Variants in WNT7A observed in about 807,000 individuals in gnomAD.
WNT7A encodes Wnt family member 7A.
A neutral mutation model predicts 28.2 loss-of-function variants in WNT7A; 16 were observed. The observed-to-expected ratio is 0.57, with a 90% CI of 0.38 to 0.86. The LOEUF is 0.86. WNT7A is among the 40% of genes least tolerant of loss of function. The pLI is 0.00. For missense variants in WNT7A, 411 were observed against 489.7 expected (o/e 0.84, Z 1.52); for synonymous variants, 190 against 195.9 (o/e 0.97, Z 0.25).
At chr3:13,847,810 C>T (rs75191775) in intron 3 of WNT7A, among the ~76,000 whole-genome samples, 2 of 124,726 alleles carry the variant, frequency 1.6e-5, no homozygotes, top group East Asian at 2.4e-4. Flanking sequence ...TGGGGTGGGG[C>T]GGGGGGACAT....
chr3:13,831,220 G>A lies in WNT7A; in HGVS notation c.571-11797C>T, dbSNP rs564807332. 3.9e-5 allele frequency among the ~76,000 whole-genome samples: 6 copies of A among 152,264 alleles called. No homozygotes were observed. In the South Asian group the frequency reaches 1.2e-3, roughly 32 times the overall value. ...CTCTCAGCAGACTGAGCGGCACAAG[G>A]GCAGGATCCATGCCCACCTCTAATA... On this transcript the variant is annotated intron_variant, in intron 3 of 3. Coordinates refer to ENST00000285018, the MANE Select transcript of WNT7A (RefSeq NM_004625.4).
chr3:13,854,205 G>A (rs1045465681), intron 3 of WNT7A, among the ~76,000 whole-genome samples: 2 of 152,010 alleles, frequency 1.3e-5, no homozygotes, highest in African/African-American at 2.4e-5. Context: ...AAAAAAGGAG[G>A]GAGAGAGGCA....
rs569101799 is a variant in WNT7A at position 13,855,190 on chromosome 3, C to T, written c.299-387G>A. ...TAAAGCTCACAGCATCGTAAAGCAGCGTTTCCCCAACACCCACAGAGGACA... is the reference window on the plus strand; with the variant it reads ...TAAAGCTCACAGCATCGTAAAGCAGTGTTTCCCCAACACCCACAGAGGACA... On this transcript the variant is annotated intron_variant, in intron 2 of 3. Coordinates refer to ENST00000285018, the MANE Select transcript of WNT7A (RefSeq NM_004625.4). Among the ~76,000 whole-genome samples, 24 of 152,340 alleles carry T rather than the reference C, an allele frequency of 1.6e-4. No individual in the cohort carries two copies. The South Asian group carries it at 4.3e-3, about 28-fold the overall frequency.
At chr3:13,826,375 G>A (rs1467586417) in intron 3 of WNT7A, among the ~76,000 whole-genome samples, 1 of 152,170 alleles carries the variant, frequency 6.6e-6, no homozygotes, top group Non-Finnish European at 1.5e-5. Flanking sequence ...GCATCTCAAG[G>A]AAGCCTCCCC....
At chr3:13,875,224 G>T in intron 1 of WNT7A, 51 bp from the exon 2 acceptor site, 1 of 1,599,848 alleles carries the variant, frequency 6.3e-7, no homozygotes. Flanking sequence ...AAGGGGGCAT[G>T]GCCTGGGAAC....
At chr3:13,847,204 C>A (rs1694551174) in intron 3 of WNT7A, among the ~76,000 whole-genome samples, 1 of 152,210 alleles carries the variant, frequency 6.6e-6, no homozygotes, top group Non-Finnish European at 1.5e-5. Context: ...TCCTTGGTAG[C>A]TTCCTCTCTG....
chr3:13,851,117 C>T (rs373290738), intron 3 of WNT7A, among the ~76,000 whole-genome samples: 1 of 152,198 alleles, frequency 6.6e-6, no homozygotes, highest in Non-Finnish European at 1.5e-5. Context: ...CCTCCCCAGC[C>T]GTGCGCCCCG....
At chr3:13,867,920 G>A (rs959571929) in intron 2 of WNT7A, among the ~76,000 whole-genome samples, 1 of 152,236 alleles carries the variant, frequency 6.6e-6, no homozygotes, top group Non-Finnish European at 1.5e-5. Context: ...TCACTGGGCA[G>A]ACATGCAGCT....
intron 1 of WNT7A, among the ~76,000 whole-genome samples, chr3:13,876,755 G>T (rs79931850): frequency 0.062 from 9,494 of 151,990 alleles, 533 homozygotes; most frequent in South Asian, 0.2. Flanking sequence ...CCCTGGAAGC[G>T]CTCTCACCCC....
intron 2 of WNT7A, among the ~76,000 whole-genome samples, chr3:13,863,358 C>G (rs1694862512): frequency 6.6e-6 from 1 of 152,098 alleles, no homozygotes; most frequent in South Asian, 2.1e-4. Context: ...TGTGAAGCCT[C>G]AACAGTTGAA....
At chr3:13,850,610 C>T (rs1328847435) in intron 3 of WNT7A, among the ~76,000 whole-genome samples, 2 of 152,056 alleles carry the variant, frequency 1.3e-5, no homozygotes, top group Non-Finnish European at 2.9e-5. Flanking sequence ...CCCAGCTGGG[C>T]CCCCATCCCC....
chr3:13,825,591 G>A (rs780733656), intron 3 of WNT7A, among the ~76,000 whole-genome samples: 5 of 152,186 alleles, frequency 3.3e-5, no homozygotes, highest in Non-Finnish European at 7.3e-5. Context: ...ATTTAGTAGC[G>A]GGTCTTCCAG....
At chr3:13,840,410 G>A (rs569305731) in intron 3 of WNT7A, among the ~76,000 whole-genome samples, 1 of 152,346 alleles carries the variant, frequency 6.6e-6, no homozygotes, top group East Asian at 1.9e-4. Context: ...GCCTAAAACA[G>A]TACCAGACGC....
At chr3:13,822,627 T>G (rs576081786) in intron 3 of WNT7A, among the ~76,000 whole-genome samples, 2 of 152,312 alleles carry the variant, frequency 1.3e-5, no homozygotes, top group South Asian at 4.1e-4. Flanking sequence ...TAATGTAAAA[T>G]TCATTGTGGT....
intron 2 of WNT7A, chr3:13,863,794 C>T (rs1173348815): frequency 6.6e-6 from 1 of 152,210 alleles, no homozygotes; most frequent in Non-Finnish European, 1.5e-5. Context: ...TTCACCAGCT[C>T]ACCAGACATG....
chr3:13,819,180 C>T lies in WNT7A; in HGVS notation c.814G>A (p.Glu272Lys), dbSNP rs759534276. The T allele has an allele frequency of 6.2e-7, 1 of 1,614,192 alleles. No homozygotes were observed. The highest frequency in any genetic ancestry group is 1.1e-5 in the South Asian group (1 of 91,084). The change falls in exon 4 of 4, where the codon GAG becomes AAG. Residue 272 changes from glutamate (E) to lysine (K), a missense_variant. Glu to Lys is a moderately conservative substitution (Grantham distance 56). Transcript: ENST00000285018. Reference sequence around the variant, plus strand: ...TCCTCGCAGTAGTTGGGCGACTTCTCGATGTACACCAGGTCCGTGTCCATG... The same window carrying T: ...TCCTCGCAGTAGTTGGGCGACTTCTTGATGTACACCAGGTCCGTGTCCATG... ...KPMDTDLVYI[E>K]KSPNYCEEDP...
chr3:13,863,418 ATATG>A (rs1295113491), intron 2 of WNT7A, among the ~76,000 whole-genome samples: 46 of 620 alleles, frequency 0.074, no homozygotes, highest in Admixed American at 0.32. Context: ...GTGTATGTGT[ATATG>A]TGTGTGTGTG....
chr3:13,863,381 T>G, intron 2 of WNT7A, among the ~76,000 whole-genome samples: 1 of 150,818 alleles, frequency 6.6e-6, no homozygotes, highest in East Asian at 2.0e-4. Context: ...AATGAATGAA[T>G]GTGCATGTGA....
chr3:13,879,499 C>T (rs1297658754), intron 1 of WNT7A, among the ~76,000 whole-genome samples: 1 of 152,076 alleles, frequency 6.6e-6, no homozygotes, highest in Non-Finnish European at 1.5e-5. Context: ...GCGTCCCTAC[C>T]GGCTGTCTCT....
Sources: gnomAD v4.1 joint callset for allele counts (sites outside exome capture counted in the v4.1 genomes callset) on GRCh38, gnomAD v4.1.1 for gene constraint, MANE v1.5 for transcripts, NCBI Gene and HGNC (gene_info 2026-07-23, HGNC 2026-07-21) for gene names.